ADD1: variants seen among roughly 807,000 people sequenced by gnomAD.
ADD1 encodes the protein adducin 1.
ADD1 carries 24 observed loss-of-function variants against 80.5 expected under a neutral mutation model. That is an observed-to-expected ratio of 0.30 (90% CI 0.22 to 0.42). The LOEUF (loss-of-function observed/expected upper bound fraction) is 0.42. Ranked by LOEUF, ADD1 falls within the 10% of genes least tolerant of loss-of-function variation. The pLI, the probability that ADD1 is intolerant of heterozygous loss-of-function variation, is 1.00. For missense variants in ADD1, 948 were observed against 1,019.0 expected, an observed-to-expected ratio of 0.93 and a Z score of 0.95; for synonymous variants, 373 against 393.8, an observed-to-expected ratio of 0.95 and a Z score of 0.63.
intron 4 of ADD1, among the ~76,000 whole-genome samples, chr4:2,887,035 G>A (rs190254674): frequency 6.6e-6 from 1 of 152,292 alleles, no homozygotes; most frequent in African/African-American, 2.4e-5. Flanking sequence ...TAAATTGCTT[G>A]TTTTCTCCTC....
intron 3 of ADD1, among the ~76,000 whole-genome samples, chr4:2,882,396 C>T (rs1243045749): frequency 2.0e-5 from 3 of 152,192 alleles, no homozygotes; most frequent in Non-Finnish European, 2.9e-5. Flanking sequence ...GCATTTCTTA[C>T]CTAGCATTCT....
chr4:2,918,143 T>C (rs930692933), intron 14 of ADD1, among the ~76,000 whole-genome samples: 1 of 152,244 alleles, frequency 6.6e-6, no homozygotes. Flanking sequence ...TACTGATTCT[T>C]TGTATCCATG....
At chr4:2,874,559 A>T (rs1287355429) in intron 1 of ADD1, among the ~76,000 whole-genome samples, 1 of 151,654 alleles carries the variant, frequency 6.6e-6, no homozygotes, top group Non-Finnish European at 1.5e-5. Flanking sequence ...GTGAGCCGAG[A>T]TCATGCCACT....
At chr4:2,886,991 A>G (rs1025349086) in intron 4 of ADD1, among the ~76,000 whole-genome samples, 2 of 152,326 alleles carry the variant, frequency 1.3e-5, no homozygotes, top group Admixed American at 6.5e-5. Context: ...GCCTAGTCCT[A>G]TTTTGAATGC....
chr4:2,863,251 G>A (rs1729073411), intron 1 of ADD1, among the ~76,000 whole-genome samples: 1 of 141,454 alleles, frequency 7.1e-6, no homozygotes, highest in South Asian at 2.2e-4. Context: ...GTAGAGCTAG[G>A]GTTCTGCCAT....
intron 6 of ADD1, among the ~76,000 whole-genome samples, chr4:2,895,794 A>G (rs1032517719): frequency 2.0e-5 from 3 of 152,228 alleles, no homozygotes; most frequent in African/African-American, 7.2e-5. Context: ...GTGAAAGCAC[A>G]GTACTTGAGA....
intron 8 of ADD1, chr4:2,898,775 T>C: frequency 2.0e-6 from 1 of 503,938 alleles, no homozygotes; most frequent in Non-Finnish European, 3.6e-6. Context: ...CACTACCATT[T>C]ATGGAGTACT....
chr4:2,918,452 T>C (rs1263114527), intron 14 of ADD1, among the ~76,000 whole-genome samples: 2 of 152,244 alleles, frequency 1.3e-5, no homozygotes, highest in African/African-American at 4.8e-5. Context: ...AATCATGTCA[T>C]CTGAAAACAG....
intron 4 of ADD1, among the ~76,000 whole-genome samples, chr4:2,893,117 C>T (rs542412185): frequency 4.6e-5 from 7 of 151,780 alleles, no homozygotes; most frequent in African/African-American, 1.2e-4. Context: ...TTAGTAGAGA[C>T]GGGGTTTTGC....
chr4:2,877,272 G>A lies in ADD1; in HGVS notation c.195+1162G>A, dbSNP rs528400485. ...CTGTGCCCCTTCATACCAGGGGAGTGTCATTTGGCAGAAGTTTATTGATTT... is the reference window on the plus strand; with the variant it reads ...CTGTGCCCCTTCATACCAGGGGAGTATCATTTGGCAGAAGTTTATTGATTT... On this transcript the variant is annotated intron_variant, in intron 2 of 15. Transcript: ENST00000683351. Among the ~76,000 whole-genome samples the A allele has an allele frequency of 1.6e-4, 25 of 152,000 alleles. No individual in the cohort carries two copies. In the South Asian group the frequency reaches 2.3e-3, roughly 14 times the overall value.
In ADD1 at chr4:2,881,896, AGG is replaced by A; in HGVS notation, c.196-1_196del. On this transcript the variant is annotated splice_acceptor_variant and coding_sequence_variant, in exon 3 of 16. Transcript: ENST00000683351. LOFTEE classifies it high-confidence loss of function. ...TCTCAGTGTTTTAATATTTTTTATTAGGCTTTCTGTGAAGAATTGGAATCAAT... is the reference window on the plus strand; with the variant it reads ...TCTCAGTGTTTTAATATTTTTTATTACTTTCTGTGAAGAATTGGAATCAAT... The A allele has an allele frequency of 6.3e-7, 1 of 1,591,370 alleles. No individual in the cohort carries two copies. Among genetic ancestry groups the A allele is most frequent in the Non-Finnish European group, 8.5e-7 (1 of 1,172,422 alleles).
chr4:2,848,504 T>C (rs1323098594), intron 1 of ADD1, among the ~76,000 whole-genome samples: 1 of 152,216 alleles, frequency 6.6e-6, no homozygotes, highest in Non-Finnish European at 1.5e-5. Flanking sequence ...ACTCTTGCTC[T>C]GTCACCTAGG....
chr4:2,873,436 T>C (rs973856271), intron 1 of ADD1, among the ~76,000 whole-genome samples: 4 of 152,236 alleles, frequency 2.6e-5, no homozygotes, highest in African/African-American at 9.6e-5. Flanking sequence ...GTGTATACTT[T>C]CATTTTGATT....
chr4:2,869,403 C>T (rs1730067454), intron 1 of ADD1, among the ~76,000 whole-genome samples: 2 of 152,330 alleles, frequency 1.3e-5, no homozygotes, highest in South Asian at 2.1e-4. Flanking sequence ...GTGCGTGTCT[C>T]TTTGTCCGCA....
In ADD1 at chr4:2,904,952, T is replaced by C. The variant is rs1456889489; in HGVS notation, c.1350T>C (p.Ser450=). The change falls in exon 10 of 16, where the codon TCT becomes TCC. Residue 450 remains serine, a synonymous_variant. Coordinates refer to ENST00000683351, the MANE Select transcript of ADD1 (RefSeq NM_001354761.2). ...GGGAGAAGACAAGATGGCTGAACTC[T>C]GGCCGGGGCGACGAAGCTTCCGAGG... ...QQREKTRWLN[S]GRGDEASEEG... is the part of the protein sequence containing the mutation. The C allele has an allele frequency of 3.1e-6, 5 of 1,614,086 alleles. No individual in the cohort carries two copies. The highest frequency in any genetic ancestry group is 4.2e-6 in the Non-Finnish European group (5 of 1,180,048).
chr4:2,878,244 TG>T (rs1560176644), intron 2 of ADD1, among the ~76,000 whole-genome samples: 1 of 152,128 alleles, frequency 6.6e-6, no homozygotes, highest in Non-Finnish European at 1.5e-5. Flanking sequence ...ATTCTGGGTT[TG>T]GTTTAGAGAG....
intron 4 of ADD1, among the ~76,000 whole-genome samples, chr4:2,892,851 C>CA (rs201382397): frequency 0.25 from 35,592 of 142,692 alleles, 4,646 homozygotes; most frequent in Non-Finnish European, 0.31. Context: ...AAATAAAAAA[C>CA]AAAAAAAAAA....
chr4:2,923,845 C>T (rs1234663542), intron 14 of ADD1, among the ~76,000 whole-genome samples: 2 of 152,252 alleles, frequency 1.3e-5, no homozygotes, highest in Admixed American at 6.5e-5. Context: ...CTCGCGAGAA[C>T]GAGGTTGTGC....
intron 14 of ADD1, among the ~76,000 whole-genome samples, chr4:2,916,218 A>ATG (rs1739037612): frequency 6.7e-6 from 1 of 149,528 alleles, no homozygotes; most frequent in Non-Finnish European, 1.5e-5. Context: ...TATTTTTGAG[A>ATG]TGAAGTCTTG....
Sources: allele counts gnomAD v4.1 joint callset (sites outside exome capture counted in the v4.1 genomes callset), GRCh38; gene constraint gnomAD v4.1.1; transcripts MANE v1.5; gene names NCBI Gene and HGNC (gene_info 2026-07-23, HGNC 2026-07-21).